The following WWOX variants were observed in gnomAD, a reference collection of about 807,000 sequenced individuals.
The protein encoded by WWOX is WW domain-containing oxidoreductase.
In WWOX, 69 loss-of-function variants were observed where a neutral mutation model predicts 46.2. The observed-to-expected ratio is 1.49, with a 90% CI of 1.23 to 1.82. The LOEUF (loss-of-function observed/expected upper bound fraction) is 1.82. WWOX is among the 40% of genes most tolerant of loss of function. The pLI, the probability that WWOX is intolerant of heterozygous loss-of-function variation, is 0.00. For synonymous variants in WWOX, 359 were observed against 202.6 expected (o/e 1.77, Z -6.56); for missense variants, 919 against 542.6 (o/e 1.69, Z -6.89).
chr16:78,135,730 C>T (rs1321017898), intron 4 of WWOX, among the ~76,000 whole-genome samples: 1 of 152,072 alleles, frequency 6.6e-6, no homozygotes, highest in African/African-American at 2.4e-5. Flanking sequence ...AAAACACCTT[C>T]CACTAAAACT....
intron 8 of WWOX, among the ~76,000 whole-genome samples, chr16:79,123,362 A>G (rs868647684): frequency 6.6e-6 from 1 of 152,134 alleles, no homozygotes; most frequent in African/African-American, 2.4e-5. Context: ...CATCTTACCT[A>G]TAAAAATAAT....
chr16:79,002,035 C>G (rs1203202378), intron 8 of WWOX, among the ~76,000 whole-genome samples: 1 of 151,932 alleles, frequency 6.6e-6, no homozygotes, highest in Non-Finnish European at 1.5e-5. Flanking sequence ...ATCTGGGCAA[C>G]TGGAATTTAT....
intron 8 of WWOX, among the ~76,000 whole-genome samples, chr16:78,526,721 C>G (rs1368808215): frequency 6.6e-6 from 1 of 152,182 alleles, no homozygotes; most frequent in Non-Finnish European, 1.5e-5. Flanking sequence ...CTGTGACCAT[C>G]TCCAAGTCCA....
intron 8 of WWOX, among the ~76,000 whole-genome samples, chr16:78,597,441 T>G (rs1193922954): frequency 6.6e-6 from 1 of 152,198 alleles, no homozygotes; most frequent in East Asian, 1.9e-4. Context: ...GCGTTTTATG[T>G]TGCACCATTT....
chr16:78,609,047 A>G (rs1312413828), intron 8 of WWOX, among the ~76,000 whole-genome samples: 1 of 152,190 alleles, frequency 6.6e-6, no homozygotes, highest in African/African-American at 2.4e-5. Context: ...TATTAAAATG[A>G]TAGAAAAATT....
chr16:78,838,687 C>T (rs1465102769), intron 8 of WWOX, among the ~76,000 whole-genome samples: 3 of 152,160 alleles, frequency 2.0e-5, no homozygotes, highest in South Asian at 2.1e-4. Flanking sequence ...ACTAAAAATA[C>T]AAAAAGTTAG....
At chr16:78,854,066 T>A (rs938160302) in intron 8 of WWOX, among the ~76,000 whole-genome samples, 1 of 152,190 alleles carries the variant, frequency 6.6e-6, no homozygotes, top group African/African-American at 2.4e-5. Flanking sequence ...TTTGCTATAT[T>A]TCTTTCTATA....
At chr16:79,095,897 C>T (rs2049059006) in intron 8 of WWOX, among the ~76,000 whole-genome samples, 1 of 139,248 alleles carries the variant, frequency 7.2e-6, no homozygotes, top group Admixed American at 7.5e-5. Flanking sequence ...CAGAGTCTTG[C>T]TCTGTTGTTT....
chr16:78,650,111 G>C (rs2046933274), intron 8 of WWOX, among the ~76,000 whole-genome samples: 1 of 152,072 alleles, frequency 6.6e-6, no homozygotes, highest in African/African-American at 2.4e-5. Context: ...GAGGAAGGAG[G>C]GAAGAAAAGG....
chr16:78,180,028 GTTGTGTTT>G (rs1442967839), intron 5 of WWOX, among the ~76,000 whole-genome samples: 1 of 152,192 alleles, frequency 6.6e-6, no homozygotes, highest in Admixed American at 6.5e-5. Flanking sequence ...CAAATAACTT[GTTGTGTTT>G]TCCTAAGTAC....
chr16:78,728,039 C>A lies in WWOX; in HGVS notation c.1056+295287C>A, dbSNP rs1327546342. 2.2e-5 allele frequency among the ~76,000 whole-genome samples: 3 copies of A among 137,338 alleles called. No homozygotes were observed. The Admixed American group carries it at 2.3e-4, about 11-fold the overall frequency. 90.1% of individuals were successfully genotyped at this position (137,338 alleles called of 152,430 possible). A position where few individuals can be genotyped will look rare whatever the true frequency, so the allele number is the denominator to read the frequency against. ...AACATAGATAACTCCCTTCCTCTTT[C>A]CTCTCTCCCTCCTTCCTTTTTTTTT... On this transcript the variant is annotated intron_variant, in intron 8 of 8. Transcript: ENST00000566780.
intron 5 of WWOX, among the ~76,000 whole-genome samples, chr16:78,339,125 T>C (rs1483804024): frequency 8.3e-6 from 1 of 120,356 alleles, no homozygotes; most frequent in Non-Finnish European, 2.0e-5. Context: ...CATATCCATA[T>C]AGTGATATCA....
intron 8 of WWOX, among the ~76,000 whole-genome samples, chr16:78,676,725 A>T (rs2047608625): frequency 6.6e-6 from 1 of 152,212 alleles, no homozygotes; most frequent in Admixed American, 6.5e-5. Context: ...GCAAGTTCTC[A>T]TCATTTATAC....
At chr16:78,134,341 CTATT>C (rs1304561960) in intron 4 of WWOX, among the ~76,000 whole-genome samples, 2 of 128,672 alleles carry the variant, frequency 1.6e-5, no homozygotes, top group East Asian at 4.4e-4. Context: ...TTTGCAAAGA[CTATT>C]TTTTTTTTTG....
chr16:78,172,961 T>C (rs1489306613), intron 5 of WWOX, among the ~76,000 whole-genome samples: 1 of 152,210 alleles, frequency 6.6e-6, no homozygotes, highest in Admixed American at 6.5e-5. Flanking sequence ...TTCATATTTA[T>C]TGTGGGACAT....
chr16:78,675,914 C>T (rs2047586937), intron 8 of WWOX, among the ~76,000 whole-genome samples: 1 of 152,010 alleles, frequency 6.6e-6, no homozygotes. Flanking sequence ...TGTAAGAAGT[C>T]ATAAAGAAGT....
intron 8 of WWOX, among the ~76,000 whole-genome samples, chr16:78,855,757 G>T (rs2052551567): frequency 6.6e-6 from 1 of 152,176 alleles, no homozygotes; most frequent in Admixed American, 6.5e-5. Context: ...TTCTGTGTTT[G>T]CTTCCCTCAT....
chr16:79,030,284 T>C (rs2047727115), intron 8 of WWOX, among the ~76,000 whole-genome samples: 1 of 152,238 alleles, frequency 6.6e-6, no homozygotes, highest in South Asian at 2.1e-4. Context: ...ACTTTATGAC[T>C]TCTTCATTAG....
intron 8 of WWOX, among the ~76,000 whole-genome samples, chr16:78,521,539 G>C (rs80079561): frequency 0.018 from 2,761 of 152,208 alleles, 79 homozygotes; most frequent in African/African-American, 0.064. Context: ...TTCCTCCTTC[G>C]TTAAATAGAG....
Sources: gnomAD v4.1 joint callset for allele counts (sites outside exome capture counted in the v4.1 genomes callset) on GRCh38, gnomAD v4.1.1 for gene constraint, MANE v1.5 for transcripts, NCBI Gene and HGNC (gene_info 2026-07-23, HGNC 2026-07-21) for gene names.